The following TCHH variants were observed in gnomAD, a reference collection of about 807,000 sequenced individuals.
TCHH encodes trichohyalin.
TCHH carries 6 observed loss-of-function variants against 6.3 expected under a neutral mutation model. The ratio of observed to expected loss-of-function variants is 0.95; its 90% confidence interval spans 0.52 to 1.88. The LOEUF (loss-of-function observed/expected upper bound fraction) is 1.88, where lower values mean the gene tolerates loss of function less well. TCHH is among the 40% of genes most tolerant of loss of function. The pLI, the probability that TCHH is intolerant of heterozygous loss-of-function variation, is 0.01. For missense variants in TCHH, 2,920 were observed against 2,449.1 expected (o/e 1.19, Z -4.06); for synonymous variants, 1,087 against 963.6 (o/e 1.13, Z -2.37).
rs761744587 is a variant in TCHH at position 152,109,688 on chromosome 1, G to A, written c.3529C>T (p.Gln1177Ter). The part of the protein sequence containing the change: ...ERQYREEEEL[Q>*]QEEEQLLREE... ...CTCAGCAGCTGCTCTTCCTCCTGCT[G>A]CAGCTCCTCTTCCTCGCGGTATTGC... is the stretch of plus-strand genomic sequence containing the variant. The change falls in exon 3 of 3, where the codon CAG becomes TAG. Residue 1177 changes from glutamine to a stop codon, truncating the protein, a stop_gained. Transcript: ENST00000614923. LOFTEE classifies it low-confidence loss of function (END_TRUNC). 3 of 1,608,530 alleles carry A rather than the reference G, an allele frequency of 1.9e-6. No homozygotes were observed. In the Admixed American group the frequency reaches 5.0e-5, roughly 27 times the overall value.
In TCHH at chr1:152,111,929, C is replaced by G. The variant is rs76166158; in HGVS notation, c.1288G>C (p.Glu430Gln). 2.0e-3 allele frequency: 3,158 copies of G among 1,564,250 alleles called. 164 individuals carry two copies. The African/African-American group carries it at 0.042, about 21-fold the overall frequency. ...TGCTTCTGCTCGTGCCTCTCCTCCT[C>G]CTGCTCGCGCCTCAGCTGCTGCTCG... is the stretch of plus-strand genomic sequence containing the variant. Reference protein sequence around the residue: ...RREQQLRREQEEERHEQKHEQ... With the variant: ...RREQQLRREQQEERHEQKHEQ... The change falls in exon 3 of 3, where the codon GAG (glutamate) becomes CAG (glutamine). Residue 430 changes from glutamate (E) to glutamine (Q), a missense_variant. Transcript: ENST00000614923.
At position 152,109,630 on chromosome 1, in the gene TCHH, T is replaced by G; in HGVS notation, c.3587A>C (p.Glu1196Ala). ...EEQEKRRQER[E>A]RQYREEEELQ... ...CTCTTCCTCCTCCCGATACTGCCTC[T>G]CCCGCTCCTGGCGCCTTTTCTCCTG... Residue 1196 changes from glutamate (E) to alanine (A), a missense_variant, in exon 3 of 3, where the codon GAG (glutamate) becomes GCG (alanine). Physicochemically the swap from Glu to Ala is moderately radical, Grantham distance 107. Coordinates refer to ENST00000614923, the MANE Select transcript of TCHH (RefSeq NM_007113.4). The G allele has an allele frequency of 6.2e-7, 1 of 1,614,148 alleles. No homozygotes were observed. Among genetic ancestry groups the G allele is most frequent in the Non-Finnish European group, 8.5e-7 (1 of 1,180,006 alleles).
rs765829267 is a variant in TCHH, at chr1:152,111,244, C to G, written c.1973G>C (p.Arg658Pro). The G allele has an allele frequency of 6.3e-7, 1 of 1,580,380 alleles. No individual in the cohort carries two copies. Among genetic ancestry groups the G allele is most frequent in the Non-Finnish European group, 8.6e-7 (1 of 1,162,910 alleles). Residue 658 changes from arginine to proline, a missense_variant, in exon 3 of 3, where the codon CGG (arginine) becomes CCG (proline). Transcript: ENST00000614923. ...RREQQERREQ[R>P]LKREEEEERL... ...CTCTTCCTCCTCCTCGCGCTTCAGC[C>G]GCTGCTCGCGCCTTTCCTGCTGCTC...
At position 152,108,461 on chromosome 1, in the gene TCHH, G is replaced by C. The variant is rs754912985; in HGVS notation, c.4756C>G (p.Gln1586Glu). Residue 1586 changes from glutamine (Q) to glutamate (E), a missense_variant, in exon 3 of 3, where the codon CAG becomes GAG. Transcript: ENST00000614923. ...TCTTGTTCCTGGCGGCGCACTTTCT[G>C]TTCCTCTAAACGGAATTTTCTGTCA... is the stretch of plus-strand genomic sequence containing the variant. ...ERDRKFRLEE[Q>E]KVRRQEQERK... The C allele has an allele frequency of 3.7e-6, 6 of 1,613,006 alleles. No individual in the cohort carries two copies. Among genetic ancestry groups the C allele is most frequent in the Admixed American group, 1.7e-5 (1 of 59,944 alleles).
At position 152,106,332 on chromosome 1, in the gene TCHH, T is replaced by TAAA. The variant is rs1658103762; in HGVS notation, c.*1052_*1053insTTT. 6.6e-6 allele frequency: 1 copy of TAAA among 152,154 alleles called. No individual in the cohort carries two copies. Among genetic ancestry groups the TAAA allele is most frequent in the African/African-American group, 2.4e-5 (1 of 41,420 alleles). The allele number at this position is 152,154 out of a possible 1,614,324, so 9.4% of individuals were successfully genotyped here. On this transcript the variant is annotated 3_prime_UTR_variant, in exon 3 of 3. Transcript: ENST00000614923. ...ACAAAAGTAGTTACTTGCCAAACAT[T>TAAA]TATTATTAATTTTTCACAGTCCAAT...
At position 152,112,709 on chromosome 1, in the gene TCHH, C is replaced by T. The variant is rs550726317; in HGVS notation, c.508G>A (p.Asp170Asn). Residue 170 changes from aspartate to asparagine, a missense_variant, in exon 3 of 3, where the codon GAC becomes AAC. Physicochemically the swap from Asp to Asn is conservative, Grantham distance 23. Transcript: ENST00000614923. ...RLEQRDRQRR[D>N]EELWRQRQEW... is the part of the protein sequence containing the mutation. ...TGCCTTTGCCGCCACAGCTCCTCGTCGCGGCGCTGCCTGTCGCGCTGTTCA... is the reference window on the plus strand; with the variant it reads ...TGCCTTTGCCGCCACAGCTCCTCGTTGCGGCGCTGCCTGTCGCGCTGTTCA... 5.6e-6 allele frequency: 9 copies of T among 1,614,110 alleles called. No homozygotes were observed. Among genetic ancestry groups the T allele is most frequent in the Non-Finnish European group, 5.9e-6 (7 of 1,180,026 alleles).
In TCHH at chr1:152,108,089, G is replaced by A. The variant is rs748609341; in HGVS notation, c.5128C>T (p.Leu1710Phe). The A allele has an allele frequency of 1.2e-6, 2 of 1,611,316 alleles. No homozygotes were observed. Among genetic ancestry groups the A allele is most frequent in the South Asian group, 2.2e-5 (2 of 90,958 alleles). ...LRRQERERKF[L>F]QEEQQLRRQE... ...CGGCGCAGCTGCTGTTCCTCCTGGA[G>A]GAATTTTCTCTCTCGTTCCTGACGG... The change falls in exon 3 of 3, where the codon CTC (leucine) becomes TTC (phenylalanine). Residue 1710 changes from leucine (L) to phenylalanine (F), a missense_variant. Coordinates refer to ENST00000614923, the MANE Select transcript of TCHH (RefSeq NM_007113.4).
rs751104753 is a variant in TCHH, at chr1:152,113,997, T to G, written c.84A>C (p.Leu28Phe). The change falls in exon 2 of 3, where the codon TTA becomes TTC. Residue 28 changes from leucine to phenylalanine, a missense_variant. Coordinates refer to ENST00000614923, the MANE Select transcript of TCHH (RefSeq NM_007113.4). Reference sequence around the variant, plus strand: ...GGAGGTTCTTCAGGTCTTTCTTAGTTAATGCTGCTCCATCACAATCATGAG... The same window carrying G: ...GGAGGTTCTTCAGGTCTTTCTTAGTGAATGCTGCTCCATCACAATCATGAG... ...YVSHDCDGAA[L>F]TKKDLKNLLE... The G allele has an allele frequency of 1.2e-6, 2 of 1,614,022 alleles. No homozygotes were observed. The highest frequency in any genetic ancestry group is 1.7e-6 in the Non-Finnish European group (2 of 1,179,948).
At position 152,107,245 on chromosome 1, in the gene TCHH, A is replaced by T; in HGVS notation, c.*140T>A. ...AAAGTGCGTAAAATGAGCGTAGTTT[A>T]AGATTTTGGAAGAAAAGACATTCTA... On this transcript the variant is annotated 3_prime_UTR_variant, in exon 3 of 3. Coordinates refer to ENST00000614923, the MANE Select transcript of TCHH (RefSeq NM_007113.4). 1.1e-6 allele frequency: 1 copy of T among 904,298 alleles called. No homozygotes were observed. The highest frequency in any genetic ancestry group is 1.6e-6 in the Non-Finnish European group (1 of 608,676). 56.0% of individuals were successfully genotyped at this position (904,298 alleles called of 1,614,324 possible).
Position 152,110,855 on chromosome 1 carries a change from G to A in TCHH, c.2362C>T (p.Pro788Ser), listed in dbSNP as rs1658314040. ...ERGRQRLSAR[P>S]PLREQRERQL... Reference sequence around the variant, plus strand: ...CTCTCCCGCTGCTCCCGCAATGGGGGCCTGGCCGACAGCCTCTGACGGCCC... The same window carrying A: ...CTCTCCCGCTGCTCCCGCAATGGGGACCTGGCCGACAGCCTCTGACGGCCC... The change falls in exon 3 of 3, where the codon CCC (proline) becomes TCC (serine). Residue 788 changes from proline (P) to serine (S), a missense_variant. Coordinates refer to ENST00000614923, the MANE Select transcript of TCHH (RefSeq NM_007113.4). 3.7e-6 allele frequency: 6 copies of A among 1,609,680 alleles called. No homozygotes were observed. Among genetic ancestry groups the A allele is most frequent in the Non-Finnish European group, 5.1e-6 (6 of 1,179,684 alleles).
intron 1 of TCHH, among the ~76,000 whole-genome samples, 172 bp from the exon 2 acceptor site, chr1:152,114,283 G>C (rs1013337684): frequency 6.6e-6 from 1 of 152,150 alleles, no homozygotes; most frequent in Non-Finnish European, 1.5e-5. Flanking sequence ...GAGAAAGAGC[G>C]ATCCTGAGAA....
chr1:152,109,007 G>T lies in TCHH; in HGVS notation c.4210C>A (p.Arg1404Ser). 6.2e-7 allele frequency: 1 copy of T among 1,609,976 alleles called. No individual in the cohort carries two copies. Among genetic ancestry groups the T allele is most frequent in the East Asian group, 2.2e-5 (1 of 44,610 alleles). ...KEEQQLRCQE[R>S]EQQLRQDRDR... is the part of the protein sequence containing the mutation. ...CGGTCCTGACGCAGCTGTTGCTCGC[G>T]CTCCTGGCAGCGCAGCTGCTGTTCC... Residue 1404 changes from arginine to serine, a missense_variant, in exon 3 of 3, where the codon CGC becomes AGC. Coordinates refer to ENST00000614923, the MANE Select transcript of TCHH (RefSeq NM_007113.4).
In TCHH at chr1:152,110,624, T is replaced by G. The variant is rs758577326; in HGVS notation, c.2593A>C (p.Ser865Arg). Residue 865 changes from serine to arginine, a missense_variant, in exon 3 of 3, where the codon AGC (serine) becomes CGC (arginine). By Grantham distance (110) the Ser-to-Arg change is moderately radical. Coordinates refer to ENST00000614923, the MANE Select transcript of TCHH (RefSeq NM_007113.4). ...GLQEDQERRR[S>R]QEQRRDQKWR... ...TTTTGGTCGCGGCGCTGCTCCTGGC[T>G]TCGCCTCCTCTCCTGATCCTCCTGG... 9.9e-6 allele frequency: 16 copies of G among 1,613,272 alleles called. No homozygotes were observed. The highest frequency in any genetic ancestry group is 1.3e-5 in the Non-Finnish European group (15 of 1,179,808).
Position 152,109,373 on chromosome 1 carries a change from CTT to C in TCHH, c.3842_3843del (p.Gln1281ArgfsTer78), listed in dbSNP as rs1658238516. 6 of 1,614,252 alleles carry C rather than the reference CTT, an allele frequency of 3.7e-6. No individual in the cohort carries two copies. The highest frequency in any genetic ancestry group is 5.1e-6 in the Non-Finnish European group (6 of 1,180,046). ...LGEQQERDRE[Q>X]ERRRWQQRDR... ...TCGCGCTGCTGCCAGCGCCTCCTCT[CTT>C]GCTCACGATCTCGCTCTTGCTGTTC... On this transcript the variant is annotated frameshift_variant, in exon 3 of 3. Coordinates refer to ENST00000614923, the MANE Select transcript of TCHH (RefSeq NM_007113.4). LOFTEE classifies it low-confidence loss of function (END_TRUNC).
rs773934893 is a variant in TCHH at position 152,107,877 on chromosome 1, G to A, written c.5340C>T (p.Arg1780=). ...DRKFREEEQL[R]QEREEQQLRS... The stretch of plus-strand genomic sequence containing the variant: ...GCAGCTGCTGTTCCTCCCTCTCCTG[G>A]CGGAGCTGTTCCTCCTCGCGGAATT... Residue 1780 remains arginine, a synonymous_variant, in exon 3 of 3, where the codon CGC becomes CGT. Transcript: ENST00000614923. The A allele has an allele frequency of 3.1e-6, 5 of 1,613,262 alleles. No individual in the cohort carries two copies. The African/African-American group carries it at 6.7e-5, about 22-fold the overall frequency.
chr1:152,109,607 C>T lies in TCHH; in HGVS notation c.3610G>A (p.Glu1204Lys), dbSNP rs1375167739. The T allele has an allele frequency of 8.7e-6, 14 of 1,614,064 alleles. No homozygotes were observed. The highest frequency in any genetic ancestry group is 1.1e-5 in the Non-Finnish European group (13 of 1,180,024). The stretch of plus-strand genomic sequence containing the variant: ...TGCTTCCTTTTCTGGCGCTGAAGCT[C>T]TTCCTCCTCCCGATACTGCCTCTCC... ...ERERQYREEE[E>K]LQRQKRKQRY... is the part of the protein sequence containing the mutation. Residue 1204 changes from glutamate to lysine, a missense_variant, in exon 3 of 3, where the codon GAG becomes AAG. Transcript: ENST00000614923.
At position 152,108,662 on chromosome 1, in the gene TCHH, C is replaced by A; in HGVS notation, c.4555G>T (p.Glu1519Ter). 1 of 1,607,930 alleles carries A rather than the reference C, an allele frequency of 6.2e-7. No individual in the cohort carries two copies. The highest frequency in any genetic ancestry group is 8.5e-7 in the Non-Finnish European group (1 of 1,178,972). ...RSQEPERKFL[E>*]EEQQLHRQQR... ...TGGCGGTGCAGCTGCTGTTCCTCCT[C>A]GAGGAATTTTCTCTCTGGTTCCTGA... Residue 1519 changes from glutamate (E) to a stop codon, truncating the protein, a stop_gained, in exon 3 of 3, where the codon GAG becomes TAG. Transcript: ENST00000614923. LOFTEE classifies it low-confidence loss of function (END_TRUNC).
chr1:152,110,837 G>A lies in TCHH; in HGVS notation c.2380C>T (p.Arg794Trp), dbSNP rs780690938. The A allele has an allele frequency of 6.2e-7, 1 of 1,609,282 alleles. No homozygotes were observed. Among genetic ancestry groups the A allele is most frequent in the South Asian group, 1.1e-5 (1 of 91,064 alleles). ...LSARPPLREQRERQLRAEERQ... is the reference protein window; with the variant it reads ...LSARPPLREQWERQLRAEERQ... ...TCCTCGGCCCTCAGCTGCCTCTCCCGCTGCTCCCGCAATGGGGGCCTGGCC... is the reference window on the plus strand; with the variant it reads ...TCCTCGGCCCTCAGCTGCCTCTCCCACTGCTCCCGCAATGGGGGCCTGGCC... Residue 794 changes from arginine (R) to tryptophan (W), a missense_variant, in exon 3 of 3, where the codon CGG becomes TGG. Transcript: ENST00000614923.
chr1:152,109,143 A>G lies in TCHH; in HGVS notation c.4074T>C (p.Arg1358=). The change falls in exon 3 of 3, where the codon CGT becomes CGC. Residue 1358 remains arginine, a synonymous_variant. Transcript: ENST00000614923. ...REEQPLRRQE[R]DRKFREEELR... ...GTTCCTCTTCGCGGAATTTTCTGTC[A>G]CGCTCTTGGCGGCGCAGCGGCTGTT... 1.9e-6 allele frequency: 3 copies of G among 1,611,356 alleles called. No individual in the cohort carries two copies. The highest frequency in any genetic ancestry group is 2.2e-5 in the East Asian group (1 of 44,716).
Sources: gnomAD v4.1 joint callset for allele counts (sites outside exome capture counted in the v4.1 genomes callset) on GRCh38, gnomAD v4.1.1 for gene constraint, MANE v1.5 for transcripts, NCBI Gene and HGNC (gene_info 2026-07-23, HGNC 2026-07-21) for gene names.